Variants in CFH observed in about 807,000 individuals in gnomAD.
The protein encoded by CFH is complement factor H, also known as H factor 1 (complement).
A neutral mutation model predicts 147.3 loss-of-function variants in CFH; 53 were observed. That is an observed-to-expected ratio of 0.36 (90% CI 0.29 to 0.45). The LOEUF is 0.45. CFH is among the 20% of genes least tolerant of loss of function. CFH has a pLI of 1.00. For synonymous variants in CFH, 536 were observed against 489.4 expected (o/e 1.10, Z -1.26); for missense variants, 1,380 against 1,498.0 (o/e 0.92, Z 1.30).
intron 6 of CFH, among the ~76,000 whole-genome samples, chr1:196,682,363 C>A (rs961966396): frequency 6.6e-6 from 1 of 151,478 alleles, no homozygotes; most frequent in African/African-American, 2.4e-5. Flanking sequence ...GGTACAGGTT[C>A]GGGCAATGTT....
intron 9 of CFH, among the ~76,000 whole-genome samples, chr1:196,696,761 A>G (rs917919675): frequency 6.6e-6 from 1 of 152,226 alleles, no homozygotes; most frequent in African/African-American, 2.4e-5. Flanking sequence ...ACTATACTAC[A>G]AGCCCACAGT....
chr1:196,667,786 G>A (rs1667148947), intron 1 of CFH, among the ~76,000 whole-genome samples: 1 of 151,924 alleles, frequency 6.6e-6, no homozygotes, highest in Non-Finnish European at 1.5e-5. Context: ...TAATCAAATA[G>A]TCTTGACTAT....
At chr1:196,675,536 C>T (rs1338857354) in intron 3 of CFH, among the ~76,000 whole-genome samples, 1 of 151,986 alleles carries the variant, frequency 6.6e-6, no homozygotes, top group African/African-American at 2.4e-5. Context: ...TAAGGTTAGT[C>T]GTTGGTTACT....
intron 1 of CFH, among the ~76,000 whole-genome samples, chr1:196,652,487 C>T (rs1045114777): frequency 2.0e-5 from 3 of 151,618 alleles, no homozygotes; most frequent in Non-Finnish European, 2.9e-5. Flanking sequence ...TACTTTTTTG[C>T]TTAGGAGTAT....
chr1:196,690,414 T>C, intron 9 of CFH, 175 bp downstream of exon 9: 2 of 847,302 alleles, frequency 2.4e-6, no homozygotes, highest in Non-Finnish European at 4.0e-6. Context: ...ACAAATTTCT[T>C]GATAAGTACA....
At chr1:196,686,066 G>C (rs532649068) in intron 7 of CFH, among the ~76,000 whole-genome samples, 2 of 151,984 alleles carry the variant, frequency 1.3e-5, no homozygotes, top group Non-Finnish European at 2.9e-5. Context: ...GAGAGCAAAG[G>C]GGAAAGTGCT....
At chr1:196,694,469 G>A (rs1668180557) in intron 9 of CFH, among the ~76,000 whole-genome samples, 1 of 152,150 alleles carries the variant, frequency 6.6e-6, no homozygotes, top group Admixed American at 6.5e-5. Context: ...AAACATATGT[G>A]TGCATGTGCC....
intron 9 of CFH, among the ~76,000 whole-genome samples, chr1:196,707,279 T>G (rs1369996395): frequency 2.6e-5 from 4 of 152,210 alleles, no homozygotes; most frequent in Admixed American, 6.5e-5. Flanking sequence ...AATTAAGCCC[T>G]TTAAAAATTT....
intron 6 of CFH, among the ~76,000 whole-genome samples, chr1:196,684,586 A>C (rs911234081): frequency 1.3e-5 from 2 of 151,962 alleles, no homozygotes; most frequent in Admixed American, 1.3e-4. Context: ...ACTTCTCTCT[A>C]AAGTGGAAGA....
intron 15 of CFH, 90 bp downstream of exon 15, chr1:196,728,612 T>A: frequency 1.6e-6 from 2 of 1,271,608 alleles, no homozygotes; most frequent in Non-Finnish European, 2.3e-6. Context: ...TTTAGCTATT[T>A]ATTATTACAA....
At chr1:196,685,984 A>T (rs1308661009) in intron 7 of CFH, among the ~76,000 whole-genome samples, 1 of 152,126 alleles carries the variant, frequency 6.6e-6, no homozygotes, top group Non-Finnish European at 1.5e-5. Context: ...GGGAGGCCTT[A>T]GGAAACTTAC....
intron 7 of CFH, among the ~76,000 whole-genome samples, chr1:196,687,859 A>G (rs1667880258): frequency 6.6e-6 from 1 of 152,106 alleles, no homozygotes; most frequent in Non-Finnish European, 1.5e-5. Flanking sequence ...AAATCTATCA[A>G]TTATAAGATA....
At position 196,728,552 on chromosome 1, in the gene CFH, A is replaced by T. The variant is rs367587413; in HGVS notation, c.2413+30A>T. ...GCTCTTATTTTGTTTTCAGAAATGT[A>T]TTCTATTTCTCATTTGGAAAAGTAA... On this transcript the variant is annotated intron_variant, in intron 15 of 21. Transcript: ENST00000367429. 887 of 1,604,084 alleles carry T rather than the reference A, an allele frequency of 5.5e-4. 7 individuals are homozygous for T. The highest frequency in any genetic ancestry group is 4.9e-3 in the South Asian group (448 of 90,762).
chr1:196,714,635 G>GTGTATATATATATATATATA (rs1392624278), intron 10 of CFH, among the ~76,000 whole-genome samples: 4 of 24,924 alleles, frequency 1.6e-4, no homozygotes, highest in African/African-American at 6.7e-4. Context: ...ACGTATATAT[G>GTGTATATATATATATATATA]TATATATATA....
At chr1:196,695,761 T>C (rs1420592050) in intron 9 of CFH, among the ~76,000 whole-genome samples, 1 of 152,136 alleles carries the variant, frequency 6.6e-6, no homozygotes, top group Non-Finnish European at 1.5e-5. Context: ...TTATTTTCTT[T>C]GTGGCAATTG....
chr1:196,716,112 T>G (rs1002927647), intron 11 of CFH, among the ~76,000 whole-genome samples: 3 of 152,164 alleles, frequency 2.0e-5, no homozygotes, highest in African/African-American at 7.2e-5. Flanking sequence ...TTTTTTAATT[T>G]CTACTTTACA....
In CFH at chr1:196,737,513, G is replaced by A. The variant is rs1245312471; in HGVS notation, c.2635G>A (p.Gly879Arg). ...TTCACAACCACCTCAGATAGAACAC[G>A]GAACCATTAATTCATCCAGGTCTTC... ...PCSQPPQIEH[G>R]TINSSRSSQE... The change falls in exon 17 of 22, where the codon GGA becomes AGA. Residue 879 changes from glycine (G) to arginine (R), a missense_variant. Around this residue, in one of 4 missense-constraint regions of CFH, gnomAD observed 830 missense variants for 821.4 expected, o/e 1.01. Coordinates refer to ENST00000367429, the MANE Select transcript of CFH (RefSeq NM_000186.4). 13 of 1,612,896 alleles carry A rather than the reference G, an allele frequency of 8.1e-6. No homozygotes were observed. The highest frequency in any genetic ancestry group is 2.2e-5 in the East Asian group (1 of 44,728).
chr1:196,693,243 C>A (rs1209616048), intron 9 of CFH, among the ~76,000 whole-genome samples: 1 of 151,870 alleles, frequency 6.6e-6, no homozygotes, highest in Non-Finnish European at 1.5e-5. Context: ...TGGAGTGTAT[C>A]CTTTATGAAT....
chr1:196,746,085 A>T, intron 21 of CFH, 86 bp downstream of exon 21: 1 of 1,601,838 alleles, frequency 6.2e-7, no homozygotes, highest in Non-Finnish European at 8.6e-7. Context: ...CTCACAGATT[A>T]TTGAACAACC....
Sources: gnomAD v4.1 joint callset for allele counts (sites outside exome capture counted in the v4.1 genomes callset) on GRCh38, gnomAD v4.1.1 for gene constraint, gnomAD v4.1.1 regional missense constraint, MANE v1.5 for transcripts, NCBI Gene and HGNC (gene_info 2026-07-23, HGNC 2026-07-21) for gene names.